The following LMX1B variants were observed in gnomAD, a reference collection of about 807,000 sequenced individuals.
LMX1B encodes the protein LIM homeobox transcription factor 1 beta, also known as LIM homeobox transcription factor 1-beta.
In LMX1B, 12 loss-of-function variants were observed where a neutral mutation model predicts 51.4. The ratio of observed to expected loss-of-function variants is 0.23; its 90% CI spans 0.15 to 0.38. LMX1B has a LOEUF of 0.38. LMX1B is among the 10% of genes least tolerant of loss of function. The probability of loss-of-function intolerance (pLI) is 1.00; values close to 1 mark genes in which losing one functional copy is unlikely to be tolerated. For missense variants in LMX1B, 445 were observed against 571.1 expected (o/e 0.78, Z 2.25); for synonymous variants, 237 against 235.4 (o/e 1.01, Z -0.06).
chr9:126,689,434 T>G (rs918718403), intron 2 of LMX1B, among the ~76,000 whole-genome samples: 2 of 152,232 alleles, frequency 1.3e-5, no homozygotes, highest in African/African-American at 4.8e-5. Flanking sequence ...GGATGGGATG[T>G]GCACAGCGCT....
intron 2 of LMX1B, among the ~76,000 whole-genome samples, chr9:126,617,570 C>T (rs1481160609): frequency 6.6e-6 from 1 of 151,822 alleles, no homozygotes; most frequent in African/African-American, 2.4e-5. Context: ...CTGGATGTTG[C>T]CTTAGAGATG....
At chr9:126,663,170 T>C (rs1275647999) in intron 2 of LMX1B, among the ~76,000 whole-genome samples, 1 of 152,256 alleles carries the variant, frequency 6.6e-6, no homozygotes, top group Admixed American at 6.5e-5. Context: ...CTCACACCTG[T>C]AATCACAGCA....
chr9:126,675,497 C>T (rs1013931163), intron 2 of LMX1B, among the ~76,000 whole-genome samples: 32 of 151,878 alleles, frequency 2.1e-4, no homozygotes, highest in Admixed American at 3.3e-4. Context: ...GAGGCCGAGG[C>T]GGGCGGATCA....
At position 126,696,016 on chromosome 9, in the gene LMX1B, ACC is replaced by A; in HGVS notation, c.1051+17_1051+18del. The A allele has an allele frequency of 7.9e-6, 12 of 1,512,654 alleles. No homozygotes were observed. The highest frequency in any genetic ancestry group is 3.8e-5 in the Admixed American group (2 of 53,042). The allele number at this position is 1,512,654 out of a possible 1,614,324, so 93.7% of individuals were successfully genotyped here. The stretch of plus-strand genomic sequence containing the variant: ...ATGAACCCCTATGGTAAGCCGCCCT[ACC>A]CCCACCCGCCCGCCCCAGCACAGCC... On this transcript the variant is annotated intron_variant, in intron 7 of 7. Coordinates refer to ENST00000373474, the MANE Select transcript of LMX1B (RefSeq NM_001174147.2).
chr9:126,689,839 G>A (rs1339591928), intron 2 of LMX1B, among the ~76,000 whole-genome samples: 1 of 152,234 alleles, frequency 6.6e-6, no homozygotes, highest in Admixed American at 6.5e-5. Flanking sequence ...CTGCCTCTTA[G>A]CACCTCAATT....
chr9:126,631,243 G>A (rs1835630646), intron 2 of LMX1B, among the ~76,000 whole-genome samples: 1 of 152,254 alleles, frequency 6.6e-6, no homozygotes, highest in Admixed American at 6.5e-5. Flanking sequence ...CGGCTGCAGA[G>A]AAACATCTGC....
Position 126,699,405 on chromosome 9 carries a change from C to T in LMX1B, c.*2954C>T, listed in dbSNP as rs2030461980. ...TCCCATTCTGGGGCCTCACAAACCC[C>T]CGAATCCAGCCGGGACCCCATGCCA... On this transcript the variant is annotated 3_prime_UTR_variant, in exon 8 of 8. Transcript: ENST00000373474. 6.6e-6 allele frequency: 1 copy of T among 152,242 alleles called. No individual in the cohort carries two copies. The highest frequency in any genetic ancestry group is 6.5e-5 in the Admixed American group (1 of 15,286). The allele number at this position is 152,242 out of a possible 1,614,324, so 9.4% of individuals were successfully genotyped here.
chr9:126,696,269 T>A, intron 7 of LMX1B, 25 bp from the exon 8 acceptor site: 1 of 1,612,724 alleles, frequency 6.2e-7, no homozygotes. Flanking sequence ...TGTACCCCGG[T>A]CCTGACACCC....
chr9:126,631,244 A>G (rs1835630721), intron 2 of LMX1B, among the ~76,000 whole-genome samples: 1 of 152,250 alleles, frequency 6.6e-6, no homozygotes, highest in South Asian at 2.1e-4. Context: ...GGCTGCAGAG[A>G]AACATCTGCC....
intron 2 of LMX1B, among the ~76,000 whole-genome samples, chr9:126,652,943 C>A (rs898401635): frequency 1.3e-5 from 2 of 152,092 alleles, no homozygotes; most frequent in Admixed American, 6.6e-5. Flanking sequence ...CGGGCCAGAT[C>A]AGGGGAGCAG....
chr9:126,652,186 G>A (rs140056121), intron 2 of LMX1B, among the ~76,000 whole-genome samples: 13 of 151,970 alleles, frequency 8.6e-5, no homozygotes, highest in African/African-American at 3.1e-4. Context: ...TGCCTGTCAC[G>A]GTGCCTGTGA....
At chr9:126,651,067 G>T (rs1477739612) in intron 2 of LMX1B, among the ~76,000 whole-genome samples, 2 of 152,082 alleles carry the variant, frequency 1.3e-5, no homozygotes, top group African/African-American at 2.4e-5. Context: ...TGGGGACATG[G>T]GGACAGGTCC....
intron 2 of LMX1B, among the ~76,000 whole-genome samples, chr9:126,670,395 C>A (rs1045902059): frequency 6.6e-6 from 1 of 152,236 alleles, no homozygotes; most frequent in African/African-American, 2.4e-5. Flanking sequence ...CGTACGCATC[C>A]TTGGTGCGTA....
At position 126,673,211 on chromosome 9, in the gene LMX1B, T is replaced by A. The variant is rs932313802; in HGVS notation, c.327-17625T>A. ...CCTGGCTCACAGCAGGTATCCATGC[T>A]GGGGTCTGGGGGAGCCCCAGACACC... is the stretch of plus-strand genomic sequence containing the variant. On this transcript the variant is annotated intron_variant, in intron 2 of 7. Coordinates refer to ENST00000373474, the MANE Select transcript of LMX1B (RefSeq NM_001174147.2). This position sits in a 1 kb window ranked among gnomAD's most constrained non-coding sequence, Gnocchi z 4.4. Among the ~76,000 whole-genome samples, 2 of 152,162 alleles carry A rather than the reference T, an allele frequency of 1.3e-5. No homozygotes were observed. The highest frequency in any genetic ancestry group is 2.4e-5 in the African/African-American group (1 of 41,448).
chr9:126,638,875 C>G (rs1037812926), intron 2 of LMX1B, among the ~76,000 whole-genome samples: 4 of 152,218 alleles, frequency 2.6e-5, no homozygotes, highest in Non-Finnish European at 5.9e-5. Flanking sequence ...CTCCCCAGGA[C>G]GGGCGGAGGT....
intron 2 of LMX1B, among the ~76,000 whole-genome samples, chr9:126,631,003 C>T (rs777984599): frequency 6.6e-6 from 1 of 152,254 alleles, no homozygotes; most frequent in Non-Finnish European, 1.5e-5. Context: ...GCTCGGCCCC[C>T]TCCCACGTGC....
At chr9:126,650,904 C>T (rs1331038487) in intron 2 of LMX1B, among the ~76,000 whole-genome samples, 1 of 152,210 alleles carries the variant, frequency 6.6e-6, no homozygotes, top group Non-Finnish European at 1.5e-5. Context: ...GCTTTTATGG[C>T]CCCTCCTCCC....
chr9:126,682,458 A>C (rs1250817310), intron 2 of LMX1B, among the ~76,000 whole-genome samples: 1 of 152,190 alleles, frequency 6.6e-6, no homozygotes, highest in Non-Finnish European at 1.5e-5. Flanking sequence ...AAAATAGATC[A>C]GTGTTACTGT....
rs2118996807 is a variant in LMX1B at position 126,695,670 on chromosome 9, A to C, written c.887-169A>C. Among the ~76,000 whole-genome samples, 1 of 152,074 alleles carries C rather than the reference A, an allele frequency of 6.6e-6. No individual in the cohort carries two copies. The highest frequency in any genetic ancestry group is 6.5e-5 in the Admixed American group (1 of 15,286). On this transcript the variant is annotated intron_variant, in intron 6 of 7. Coordinates refer to ENST00000373474, the MANE Select transcript of LMX1B (RefSeq NM_001174147.2). This position sits in a 1 kb window ranked among gnomAD's most constrained non-coding sequence, Gnocchi z 5.2. ...GCTTTTGGTAAGCTGAGCCTGGAGG[A>C]GGAGCTGGAGTGTGCACCTGGGGAA...
Sources: allele counts gnomAD v4.1 joint callset (sites outside exome capture counted in the v4.1 genomes callset), GRCh38; gene constraint gnomAD v4.1.1; non-coding constraint Gnocchi (gnomAD v3.1); transcripts MANE v1.5; gene names NCBI Gene and HGNC (gene_info 2026-07-23, HGNC 2026-07-21).